CACNA1D: variants seen among roughly 807,000 people sequenced by gnomAD.
CACNA1D encodes voltage-dependent L-type calcium channel subunit alpha-1D.
A neutral mutation model predicts 257.1 loss-of-function variants in CACNA1D; 55 were observed. The observed-to-expected ratio is 0.21, with a 90% CI of 0.17 to 0.27. The LOEUF (loss-of-function observed/expected upper bound fraction) is 0.27. Among genes scored for constraint, CACNA1D ranks in the 10% least tolerant of loss-of-function variants. The pLI is 1.00. For synonymous variants in CACNA1D, 980 were observed against 1,014.9 expected, an observed-to-expected ratio of 0.97 and a Z score of 0.65; for missense variants, 1,876 against 2,784.0, an observed-to-expected ratio of 0.67 and a Z score of 7.34.
intron 9 of CACNA1D, 69 bp from the exon 10 acceptor site, chr3:53,718,232 C>T: frequency 7.3e-7 from 1 of 1,373,136 alleles, no homozygotes; most frequent in Non-Finnish European, 1.0e-6. Flanking sequence ...GCAGAGGCTC[C>T]CACCTGGCCT....
chr3:53,689,331 C>T lies in CACNA1D; in HGVS notation c.1221-13310C>T, dbSNP rs146509834. On this transcript the variant is annotated intron_variant, in intron 8 of 47. Coordinates refer to ENST00000350061, the MANE Select transcript of CACNA1D (RefSeq NM_001128840.3). ...GAGCAGATGTGCAGTTGGGAATACC[C>T]ACTGAGAGAGGCAGGGTTTTTTTTT... Among the ~76,000 whole-genome samples, 1,456 of 151,810 alleles carry T rather than the reference C, an allele frequency of 9.6e-3. 86 individuals are homozygous for T. Among genetic ancestry groups the T allele is most frequent in the Admixed American group, 0.087 (1,330 of 15,282 alleles).
intron 37 of CACNA1D, among the ~76,000 whole-genome samples, chr3:53,777,481 G>A (rs1576634857): frequency 6.6e-6 from 1 of 152,234 alleles, no homozygotes; most frequent in East Asian, 1.9e-4. Context: ...TCAACCAGGA[G>A]AGCCAGAACG....
At position 53,497,357 on chromosome 3, in the gene CACNA1D, C is replaced by T; in HGVS notation, c.273C>T (p.Ser91=). The stretch of plus-strand genomic sequence containing the variant: ...GAAAACGTCAGCAATACGCCAAGAG[C>T]AAAAAACAGGGTAACTCGTCCAACA... The part of the protein sequence containing the change: ...SQRKRQQYAK[S]KKQGNSSNSR... Residue 91 remains serine, a synonymous_variant, in exon 2 of 48, where the codon AGC becomes AGT. Coordinates refer to ENST00000350061, the MANE Select transcript of CACNA1D (RefSeq NM_001128840.3). 1 of 1,614,078 alleles carries T rather than the reference C, an allele frequency of 6.2e-7. No individual in the cohort carries two copies. Among genetic ancestry groups the T allele is most frequent in the Non-Finnish European group, 8.5e-7 (1 of 1,180,010 alleles).
At chr3:53,730,985 T>C (rs914039661) in intron 16 of CACNA1D, 92 bp from the exon 17 acceptor site, 5 of 801,224 alleles carry the variant, frequency 6.2e-6, no homozygotes, top group East Asian at 2.6e-5. Flanking sequence ...CTGTCCTTCA[T>C]TGGAGCATTA....
Position 53,772,841 on chromosome 3 carries a change from G to C in CACNA1D, c.4053G>C (p.Pro1351=), listed in dbSNP as rs763428428. 1.2e-6 allele frequency: 2 copies of C among 1,612,652 alleles called. No homozygotes were observed. The highest frequency in any genetic ancestry group is 1.7e-6 in the Non-Finnish European group (2 of 1,179,436). Residue 1351 remains proline, a synonymous_variant, in exon 33 of 48, where the codon CCG becomes CCC. Transcript: ENST00000350061. ...WTFIKSFQAL[P]YVALLIAMLF... is the part of the protein sequence containing the mutation. ...TGCCTTTTCTCTCCCAGGCGCTCCC[G>C]TATGTGGCCCTCCTCATAGCCATGC... is the stretch of plus-strand genomic sequence containing the variant.
intron 39 of CACNA1D, chr3:53,785,488 C>T (rs1413551114): frequency 1.3e-5 from 2 of 152,220 alleles, no homozygotes; most frequent in African/African-American, 4.8e-5. Context: ...GTTGGCAGCA[C>T]CTCCTGGATG....
At chr3:53,505,122 T>G (rs1402113965) in intron 3 of CACNA1D, among the ~76,000 whole-genome samples, 4 of 146,340 alleles carry the variant, frequency 2.7e-5, no homozygotes, top group South Asian at 2.2e-4. Context: ...TTTGTTTTTT[T>G]TTTTTTTTTT....
chr3:53,494,676 G>C lies in CACNA1D; in HGVS notation c.-491G>C, dbSNP rs1321013224. Reference sequence around the variant, plus strand: ...CGGGCGGGCGAGCGCCTCCGTCCCCGGATGTGAGCTCCGGCTGCCCGCGGT... The same window carrying C: ...CGGGCGGGCGAGCGCCTCCGTCCCCCGATGTGAGCTCCGGCTGCCCGCGGT... On this transcript the variant is annotated 5_prime_UTR_variant, in exon 1 of 48. Transcript: ENST00000350061. 1 of 146,328 alleles carries C rather than the reference G, an allele frequency of 6.8e-6. No individual in the cohort carries two copies. The highest frequency in any genetic ancestry group is 1.5e-5 in the Non-Finnish European group (1 of 65,604). 9.1% of individuals were successfully genotyped at this position (146,328 alleles called of 1,614,324 possible). A position where few individuals can be genotyped will look rare whatever the true frequency, so the allele number is the denominator to read the frequency against.
intron 45 of CACNA1D, among the ~76,000 whole-genome samples, chr3:53,807,102 G>A (rs964001824): frequency 1.3e-5 from 2 of 152,222 alleles, no homozygotes; most frequent in African/African-American, 2.4e-5. Flanking sequence ...TCAGCTGCAG[G>A]GGGATTCCCT....
At chr3:53,761,175 C>T (rs1170537166) in intron 29 of CACNA1D, among the ~76,000 whole-genome samples, 1 of 152,152 alleles carries the variant, frequency 6.6e-6, no homozygotes, top group Non-Finnish European at 1.5e-5. Context: ...GGAAGGACTC[C>T]TCTCAGCCTA....
intron 3 of CACNA1D, among the ~76,000 whole-genome samples, chr3:53,608,588 G>A (rs537234307): frequency 1.6e-4 from 25 of 152,168 alleles, no homozygotes; most frequent in Non-Finnish European, 3.5e-4. Flanking sequence ...TTTCTTCACC[G>A]TTAAGTATGA....
At position 53,800,386 on chromosome 3, in the gene CACNA1D, T is replaced by C. The variant is rs1013645983; in HGVS notation, c.5040+21T>C. The C allele has an allele frequency of 2.1e-6, 3 of 1,458,550 alleles. No homozygotes were observed. The highest frequency in any genetic ancestry group is 2.9e-6 in the Non-Finnish European group (3 of 1,037,874). 90.4% of individuals were successfully genotyped at this position (1,458,550 alleles called of 1,614,324 possible). ...TCAAAGTAATTATTCCACGCCTAGC[T>C]ACACACTGGCCATCTGGAAATAGCA... On this transcript the variant is annotated intron_variant, in intron 41 of 47. Transcript: ENST00000350061. This position sits in a 1 kb window ranked among gnomAD's most constrained non-coding sequence, Gnocchi z 4.3.
At chr3:53,576,605 C>T (rs1032998650) in intron 3 of CACNA1D, among the ~76,000 whole-genome samples, 2 of 152,196 alleles carry the variant, frequency 1.3e-5, no homozygotes, top group African/African-American at 4.8e-5. Context: ...ACCTCAAAAA[C>T]GTAGGAGTGT....
chr3:53,735,108 G>A (rs2095044685), intron 19 of CACNA1D, among the ~76,000 whole-genome samples: 1 of 152,208 alleles, frequency 6.6e-6, no homozygotes, highest in African/African-American at 2.4e-5. Context: ...AAGACAACAA[G>A]CCCCACTTCC....
chr3:53,718,225 G>T lies in CACNA1D; in HGVS notation c.1391-76G>T, dbSNP rs558342191. ...GGTTCCGGAGGTCTGCCTGGTGGCA[G>T]AGGCTCCCACCTGGCCTGCCTCCCA... is the stretch of plus-strand genomic sequence containing the variant. On this transcript the variant is annotated intron_variant, in intron 9 of 47. Coordinates refer to ENST00000350061, the MANE Select transcript of CACNA1D (RefSeq NM_001128840.3). 4.4e-5 allele frequency: 56 copies of T among 1,287,124 alleles called. No homozygotes were observed. The South Asian group carries it at 6.3e-4, about 14-fold the overall frequency. The allele number at this position is 1,287,124 out of a possible 1,614,324, so 79.7% of individuals were successfully genotyped here.
chr3:53,538,572 T>C (rs1259265269), intron 3 of CACNA1D, among the ~76,000 whole-genome samples: 1 of 152,266 alleles, frequency 6.6e-6, no homozygotes, highest in Non-Finnish European at 1.5e-5. Flanking sequence ...TGTGTTCTGC[T>C]GAAGTTACTG....
In CACNA1D at chr3:53,774,486, T is replaced by A; in HGVS notation, c.4111-101T>A. ...AGTGCCAGGTACCATGAGAAAACCC[T>A]AGCTGGTAAAGATCAAACCTGAGTT... is the stretch of plus-strand genomic sequence containing the variant. On this transcript the variant is annotated intron_variant, in intron 33 of 47. Coordinates refer to ENST00000350061, the MANE Select transcript of CACNA1D (RefSeq NM_001128840.3). This position sits in a 1 kb window ranked among gnomAD's most constrained non-coding sequence, Gnocchi z 4.3. 1 of 766,860 alleles carries A rather than the reference T, an allele frequency of 1.3e-6. No homozygotes were observed. The highest frequency in any genetic ancestry group is 1.9e-5 in the Admixed American group (1 of 52,786). The allele number at this position is 766,860 out of a possible 1,614,324, so 47.5% of individuals were successfully genotyped here. A position where few individuals can be genotyped will look rare whatever the true frequency, so the allele number is the denominator to read the frequency against.
At chr3:53,562,497 A>G (rs1196695928) in intron 3 of CACNA1D, among the ~76,000 whole-genome samples, 1 of 152,194 alleles carries the variant, frequency 6.6e-6, no homozygotes, top group African/African-American at 2.4e-5. Context: ...ATTTTTTTAA[A>G]GCTGAGAACT....
intron 8 of CACNA1D, among the ~76,000 whole-genome samples, chr3:53,689,347 G>GTT (rs771931677): frequency 6.8e-6 from 1 of 146,098 alleles, no homozygotes. Context: ...GAGAGGCAGG[G>GTT]TTTTTTTTTT....
Sources: gnomAD v4.1 joint callset for allele counts (sites outside exome capture counted in the v4.1 genomes callset) on GRCh38, gnomAD v4.1.1 for gene constraint, Gnocchi (gnomAD v3.1) non-coding constraint, MANE v1.5 for transcripts, NCBI Gene and HGNC (gene_info 2026-07-23, HGNC 2026-07-21) for gene names.